Variants in CCSER2 observed in about 807,000 individuals in gnomAD.
CCSER2 encodes coiled-coil serine rich protein 2.
A neutral mutation model predicts 92.3 loss-of-function variants in CCSER2; 46 were observed. The observed-to-expected ratio is 0.50, with a 90% CI of 0.39 to 0.64. CCSER2 has a LOEUF of 0.64. Among genes scored for constraint, CCSER2 ranks in the 30% least tolerant of loss-of-function variants. CCSER2 has a pLI of 0.00. For missense variants in CCSER2, 1,244 were observed against 1,238.9 expected (o/e 1.00, Z -0.06); for synonymous variants, 433 against 431.4 (o/e 1.00, Z -0.04).
Position 84,438,499 on chromosome 10 carries a change from C to T in CCSER2, c.1869-13C>T, listed in dbSNP as rs933695979. 5 of 1,505,494 alleles carry T rather than the reference C, an allele frequency of 3.3e-6. No individual in the cohort carries two copies. The highest frequency in any genetic ancestry group is 2.0e-5 in the Admixed American group (1 of 49,448). 93.3% of individuals were successfully genotyped at this position (1,505,494 alleles called of 1,614,324 possible). A position where few individuals can be genotyped will look rare whatever the true frequency, so the allele number is the denominator to read the frequency against. ...TATATCTTTTCCCTCCACCTTCTTC[C>T]CTGCCCTTCCAGAGGCTCTCCCTAT... On this transcript the variant is annotated splice_polypyrimidine_tract_variant and intron_variant, in intron 5 of 9. Coordinates refer to ENST00000372088, the MANE Select transcript of CCSER2 (RefSeq NM_001284240.2).
At chr10:84,456,026 T>C in intron 6 of CCSER2, 1 of 496,202 alleles carries the variant, frequency 2.0e-6, no homozygotes, top group Non-Finnish European at 3.9e-6. Flanking sequence ...TTGCTTCTTC[T>C]AGATGTTTCT....
At chr10:84,397,525 C>G (rs1286597336) in intron 3 of CCSER2, among the ~76,000 whole-genome samples, 1 of 152,128 alleles carries the variant, frequency 6.6e-6, no homozygotes, top group East Asian at 1.9e-4. Context: ...TTTCTCTCAT[C>G]TAACAAAAAG....
chr10:84,490,320 T>G (rs1008029509), intron 9 of CCSER2, among the ~76,000 whole-genome samples: 2 of 152,226 alleles, frequency 1.3e-5, no homozygotes, highest in Non-Finnish European at 2.9e-5. Flanking sequence ...TCCTGGATAA[T>G]ATCTTGCAGG....
rs150546687 is a variant in CCSER2, at chr10:84,478,907, G to A, written c.2325+1243G>A. ...TGTGATATTATTTAATGTCAAAGGC[G>A]GTGGAAGCTCATCTGTTTGCAGACA... On this transcript the variant is annotated intron_variant, in intron 9 of 9. Coordinates refer to ENST00000372088, the MANE Select transcript of CCSER2 (RefSeq NM_001284240.2). Among the ~76,000 whole-genome samples, 422 of 152,254 alleles carry A rather than the reference G, an allele frequency of 2.8e-3. 1 individual carries two copies. Among genetic ancestry groups the A allele is most frequent in the African/African-American group, 9.9e-3 (412 of 41,548 alleles).
At chr10:84,329,623 C>T (rs139693154) in intron 1 of CCSER2, among the ~76,000 whole-genome samples, 1 of 152,026 alleles carries the variant, frequency 6.6e-6, no homozygotes, top group Non-Finnish European at 1.5e-5. Flanking sequence ...TAAAATATGA[C>T]GGAACCTATT....
intron 1 of CCSER2, among the ~76,000 whole-genome samples, chr10:84,355,465 C>T (rs114160647): frequency 1.8e-3 from 273 of 152,268 alleles, no homozygotes; most frequent in African/African-American, 5.6e-3. Context: ...GCCTCCTCTA[C>T]GAAGCCATTT....
Position 84,341,505 on chromosome 10 carries a change from TA to T in CCSER2, c.-40+12700del, listed in dbSNP as rs1844184637. Among the ~76,000 whole-genome samples, 3 of 151,986 alleles carry T rather than the reference TA, an allele frequency of 2.0e-5. No homozygotes were observed. The South Asian group carries it at 6.2e-4, about 32-fold the overall frequency. On this transcript the variant is annotated intron_variant, in intron 1 of 9. Coordinates refer to ENST00000372088, the MANE Select transcript of CCSER2 (RefSeq NM_001284240.2). ...CTTGGCCACACAGCACCTCTTACAC[TA>T]AATGTATGGAGATTGTTTTGCTGGA...
chr10:84,457,259 AATATATTATATATAATATATTATATATT>A (rs1845704872), intron 6 of CCSER2, among the ~76,000 whole-genome samples: 12 of 55,086 alleles, frequency 2.2e-4, no homozygotes, highest in African/African-American at 6.0e-4. Context: ...TATTATATAA[AATATATTATATATAATATATTATATATT>A]ATATATTATA....
At chr10:84,465,470 A>G (rs868393494) in intron 7 of CCSER2, among the ~76,000 whole-genome samples, 1 of 151,322 alleles carries the variant, frequency 6.6e-6, no homozygotes, top group Admixed American at 6.6e-5. Context: ...AATTACAGGC[A>G]TCTGCCACCA....
chr10:84,513,272 C>T (rs538901274), intron 9 of CCSER2, among the ~76,000 whole-genome samples, 177 bp from the exon 10 acceptor site: 1 of 152,074 alleles, frequency 6.6e-6, no homozygotes, highest in Non-Finnish European at 1.5e-5. Flanking sequence ...TGCATTATCA[C>T]TCTTGTATGT....
At chr10:84,361,091 A>G (rs924115957) in intron 1 of CCSER2, among the ~76,000 whole-genome samples, 8 of 152,296 alleles carry the variant, frequency 5.3e-5, no homozygotes, top group African/African-American at 1.9e-4. Context: ...GTTCCAGTGC[A>G]GGCTTTCATC....
intron 9 of CCSER2, among the ~76,000 whole-genome samples, chr10:84,501,753 C>T: frequency 8.9e-6 from 1 of 112,372 alleles, no homozygotes; most frequent in Non-Finnish European, 1.9e-5. Flanking sequence ...ATCAAAACTT[C>T]TTTGCATCTT....
At chr10:84,470,964 CAT>C (rs1846754863) in intron 8 of CCSER2, among the ~76,000 whole-genome samples, 1 of 152,136 alleles carries the variant, frequency 6.6e-6, no homozygotes, top group African/African-American at 2.4e-5. Flanking sequence ...TGCAATTTCA[CAT>C]ATTAGTCTCA....
rs1846254867 is a variant in CCSER2 at position 84,464,073 on chromosome 10, T to G, written c.2148+57T>G. On this transcript the variant is annotated intron_variant, in intron 7 of 9. Coordinates refer to ENST00000372088, the MANE Select transcript of CCSER2 (RefSeq NM_001284240.2). Reference sequence around the variant, plus strand: ...AAATTCTTTTTAAATACTAAAATAATGATACAATGACAATGAAAACAATAA... The same window carrying G: ...AAATTCTTTTTAAATACTAAAATAAGGATACAATGACAATGAAAACAATAA... 10 of 831,172 alleles carry G rather than the reference T, an allele frequency of 1.2e-5. No individual in the cohort carries two copies. The Admixed American group carries it at 2.1e-4, about 18-fold the overall frequency. 51.5% of individuals were successfully genotyped at this position (831,172 alleles called of 1,614,324 possible).
At chr10:84,361,042 A>G (rs187661747) in intron 1 of CCSER2, among the ~76,000 whole-genome samples, 100 of 152,240 alleles carry the variant, frequency 6.6e-4, no homozygotes, top group Non-Finnish European at 1.2e-3. Context: ...TTTGCTTCAG[A>G]GGACAGAAGG....
Position 84,353,428 on chromosome 10 carries a change from A to G in CCSER2, c.-39-17586A>G, listed in dbSNP as rs117180327. On this transcript the variant is annotated intron_variant, in intron 1 of 9. Coordinates refer to ENST00000372088, the MANE Select transcript of CCSER2 (RefSeq NM_001284240.2). ...AAAAAAACGAGTCTTTAATTAGGCT[A>G]TTGAGTATATGTTGTAGATATTTTC... 1.3e-3 allele frequency among the ~76,000 whole-genome samples: 197 copies of G among 152,294 alleles called. 2 individuals carry two copies. In the East Asian group the frequency reaches 0.036, roughly 28 times the overall value.
intron 6 of CCSER2, among the ~76,000 whole-genome samples, chr10:84,443,457 C>A (rs543612798): frequency 4.6e-5 from 7 of 152,288 alleles, no homozygotes; most frequent in African/African-American, 1.4e-4. Context: ...CATCTCATGC[C>A]AGTTAAAATG....
At chr10:84,362,897 C>T (rs1419222260) in intron 1 of CCSER2, among the ~76,000 whole-genome samples, 2 of 151,862 alleles carry the variant, frequency 1.3e-5, no homozygotes, top group East Asian at 3.8e-4. Context: ...AGTGCAATGG[C>T]GCAATCTCCG....
intron 5 of CCSER2, among the ~76,000 whole-genome samples, chr10:84,434,798 A>G: frequency 6.6e-6 from 1 of 152,186 alleles, no homozygotes; most frequent in Non-Finnish European, 1.5e-5. Context: ...CCCATTTTAT[A>G]GATTAGGAAA....
Sources: allele counts gnomAD v4.1 joint callset (sites outside exome capture counted in the v4.1 genomes callset), GRCh38; gene constraint gnomAD v4.1.1; transcripts MANE v1.5; gene names NCBI Gene and HGNC (gene_info 2026-07-23, HGNC 2026-07-21).